Variants in ZNF717 observed in about 807,000 individuals in gnomAD.
The protein encoded by ZNF717 is zinc finger protein 717.
ZNF717 carries 9 observed loss-of-function variants against 13.8 expected under a neutral mutation model. That is an observed-to-expected ratio of 0.65 (90% confidence interval 0.39 to 1.14). The LOEUF is 1.14. Among genes scored for constraint, ZNF717 ranks in the 50% most tolerant of loss-of-function variants. The pLI, the probability that ZNF717 is intolerant of heterozygous loss-of-function variation, is 0.01. For missense variants in ZNF717, 1,040 were observed against 1,080.7 expected, an observed-to-expected ratio of 0.96 and a Z score of 0.53; for synonymous variants, 327 against 364.1, an observed-to-expected ratio of 0.90 and a Z score of 1.16.
downstream of ZNF717, among the ~76,000 whole-genome samples, chr3:75,733,947 C>A (rs1470763881): frequency 2.2e-5 from 3 of 138,944 alleles, no homozygotes; most frequent in Non-Finnish European, 4.8e-5. Flanking sequence ...ATAAAACATT[C>A]CCTGGACAAA....
At chr3:75,780,571 T>G (rs1944735768) in intron 2 of ZNF717, among the ~76,000 whole-genome samples, 1 of 152,122 alleles carries the variant, frequency 6.6e-6, no homozygotes, top group South Asian at 2.1e-4. Context: ...TCGGCTAATT[T>G]TTGTATTTTT....
chr3:75,778,428 G>A (rs553839163), intron 2 of ZNF717, among the ~76,000 whole-genome samples: 17 of 150,184 alleles, frequency 1.1e-4, no homozygotes, highest in South Asian at 4.2e-4. Flanking sequence ...TGCTAAAACC[G>A]GAACCCAAAA....
At chr3:75,779,573 AC>A (rs1944639777) in intron 2 of ZNF717, among the ~76,000 whole-genome samples, 1 of 144,352 alleles carries the variant, frequency 6.9e-6, no homozygotes, top group Non-Finnish European at 1.6e-5. Context: ...AACGGGAGTG[AC>A]GTGCTAAAAC....
At chr3:75,740,293 T>C (rs1412328524) in intron 4 of ZNF717, among the ~76,000 whole-genome samples, 2 of 152,216 alleles carry the variant, frequency 1.3e-5, no homozygotes, top group Admixed American at 6.5e-5. Context: ...TCTGAGCCCT[T>C]CAACAGGAAA....
intron 4 of ZNF717, among the ~76,000 whole-genome samples, chr3:75,718,212 T>C (rs1346732989): frequency 6.6e-6 from 1 of 151,878 alleles, no homozygotes; most frequent in Non-Finnish European, 1.5e-5. Flanking sequence ...TTTTCTGCGG[T>C]GGGGAATGGA....
chr3:75,723,134 T>C (rs1575723231), intron 4 of ZNF717, among the ~76,000 whole-genome samples: 1 of 152,294 alleles, frequency 6.6e-6, no homozygotes, highest in Admixed American at 6.5e-5. Context: ...AACCCGTGTT[T>C]TGAAAAATTG....
chr3:75,722,227 T>A (rs1316284092), intron 4 of ZNF717, among the ~76,000 whole-genome samples: 2 of 151,974 alleles, frequency 1.3e-5, no homozygotes, highest in African/African-American at 2.4e-5. Flanking sequence ...GCCACTGCAC[T>A]CCAGCCTGGA....
intron 6 of ZNF717, among the ~76,000 whole-genome samples, chr3:75,702,430 G>A (rs1377567305): frequency 6.6e-5 from 10 of 152,398 alleles, no homozygotes; most frequent in African/African-American, 2.4e-4. Flanking sequence ...AACAATAGGT[G>A]TCATAGAGAT....
At chr3:75,746,057 T>C (rs1395346002) in intron 2 of ZNF717, among the ~76,000 whole-genome samples, 1 of 152,146 alleles carries the variant, frequency 6.6e-6, no homozygotes, top group East Asian at 1.9e-4. Flanking sequence ...CGGTGTGTGA[T>C]GTTCCCCTTC....
chr3:75,764,028 A>G (rs1445361906), intron 2 of ZNF717, among the ~76,000 whole-genome samples: 1 of 152,226 alleles, frequency 6.6e-6, no homozygotes, highest in East Asian at 1.9e-4. Flanking sequence ...GAGGCTAACT[A>G]GAGGCCAAGG....
downstream of ZNF717, among the ~76,000 whole-genome samples, chr3:75,733,778 CAAAAAAAAA>C (rs56196464): frequency 3.8e-5 from 1 of 26,648 alleles, no homozygotes; most frequent in African/African-American, 1.7e-4. Context: ...GACTCTATCT[CAAAAAAAAA>C]AAAAAAAAAA....
intron 2 of ZNF717, among the ~76,000 whole-genome samples, chr3:75,753,079 T>C (rs77893039): frequency 6.6e-6 from 1 of 150,626 alleles, no homozygotes; most frequent in South Asian, 2.1e-4. Context: ...GTCCCTCACA[T>C]AGGATTCCAG....
chr3:75,733,763 A>G (rs1338148042), downstream of ZNF717, among the ~76,000 whole-genome samples: 3 of 125,626 alleles, frequency 2.4e-5, no homozygotes, highest in Non-Finnish European at 3.2e-5. Flanking sequence ...TGGGTGACAG[A>G]GCAAGACTCT....
chr3:75,695,936 C>G (rs1575756273), intron 6 of ZNF717, among the ~76,000 whole-genome samples: 1 of 151,896 alleles, frequency 6.6e-6, no homozygotes, highest in African/African-American at 2.4e-5. Flanking sequence ...AAAGGCCAAG[C>G]CAAATCCAAA....
chr3:75,761,967 T>C (rs950577379), intron 2 of ZNF717, among the ~76,000 whole-genome samples: 3 of 151,986 alleles, frequency 2.0e-5, no homozygotes, highest in Non-Finnish European at 2.9e-5. Context: ...GGCAGGAGAA[T>C]TGCTTGAACT....
intron 4 of ZNF717, among the ~76,000 whole-genome samples, chr3:75,722,604 C>G (rs1285486658): frequency 2.6e-5 from 4 of 151,934 alleles, no homozygotes; most frequent in African/African-American, 9.7e-5. Flanking sequence ...CACTTGAGGT[C>G]AGGAGTTTGA....
At chr3:75,696,588 A>C (rs1254017024) in intron 6 of ZNF717, among the ~76,000 whole-genome samples, 24 of 150,492 alleles carry the variant, frequency 1.6e-4, no homozygotes, top group African/African-American at 5.5e-4. Flanking sequence ...TCAATGTGAT[A>C]CATCACATAA....
chr3:75,713,070 C>A (rs941452307), intron 5 of ZNF717, among the ~76,000 whole-genome samples: 2 of 152,008 alleles, frequency 1.3e-5, no homozygotes, highest in African/African-American at 4.8e-5. Context: ...TATGACCATG[C>A]CACTGCATTC....
chr3:75,699,441 G>A lies in ZNF717; in HGVS notation n.1085+11746C>T, dbSNP rs201289988. 4.6e-5 allele frequency among the ~76,000 whole-genome samples: 7 copies of A among 151,210 alleles called. No homozygotes were observed. In the East Asian group the frequency reaches 9.7e-4, roughly 21 times the overall value. On this transcript the variant is annotated intron_variant and non_coding_transcript_variant, in intron 6 of 6. Coordinates refer to the ZNF717 transcript ENST00000648506. Reference sequence around the variant, plus strand: ...AAGTGGGCCTAGTGGGGAGGTGATTGAATCATGACAGCAGGATTTCCAAGA... The same window carrying A: ...AAGTGGGCCTAGTGGGGAGGTGATTAAATCATGACAGCAGGATTTCCAAGA...
Sources: gnomAD v4.1 joint callset for allele counts (sites outside exome capture counted in the v4.1 genomes callset) on GRCh38, gnomAD v4.1.1 for gene constraint, MANE v1.5 for transcripts, NCBI Gene and HGNC (gene_info 2026-07-23, HGNC 2026-07-21) for gene names.